Variants in ME3 observed in about 807,000 individuals in gnomAD.
ME3 encodes NADP-dependent malic enzyme, mitochondrial.
Under a neutral mutation model 68.9 loss-of-function variants are expected in ME3, and 48 were observed. That is an observed-to-expected ratio of 0.70 (90% CI 0.55 to 0.89). ME3 has a LOEUF of 0.89. Among genes scored for constraint, ME3 ranks in the 40% least tolerant of loss-of-function variants. ME3 has a pLI of 0.00. For missense variants in ME3, 675 were observed against 797.4 expected, an observed-to-expected ratio of 0.85 and a Z score of 1.85; for synonymous variants, 320 against 318.8, an observed-to-expected ratio of 1.00 and a Z score of -0.04.
intron 7 of ME3, 94 bp from the exon 8 acceptor site, chr11:86,465,294 C>A: frequency 1.1e-6 from 1 of 929,558 alleles, no homozygotes; most frequent in Non-Finnish European, 1.8e-6. Flanking sequence ...GAGGTGCAGG[C>A]CTGGGGGTGG....
chr11:86,624,658 C>T (rs567123870), intron 2 of ME3, among the ~76,000 whole-genome samples: 6 of 152,248 alleles, frequency 3.9e-5, no homozygotes, highest in Admixed American at 2.0e-4. Flanking sequence ...TTGAGTGATT[C>T]GATTTTATTA....
At chr11:86,552,850 G>A (rs978634422) in intron 4 of ME3, among the ~76,000 whole-genome samples, 9 of 152,192 alleles carry the variant, frequency 5.9e-5, no homozygotes, top group Non-Finnish European at 1.2e-4. Flanking sequence ...GTCTAAAGGC[G>A]GGTGCAGCAC....
At chr11:86,502,123 A>G (rs1952763712) in intron 5 of ME3, among the ~76,000 whole-genome samples, 1 of 152,182 alleles carries the variant, frequency 6.6e-6, no homozygotes, top group South Asian at 2.1e-4. Context: ...AATATTTCCA[A>G]TTTTGTATAA....
At chr11:86,448,969 T>A (rs1313620891) in intron 10 of ME3, among the ~76,000 whole-genome samples, 1 of 152,156 alleles carries the variant, frequency 6.6e-6, no homozygotes, top group Non-Finnish European at 1.5e-5. Flanking sequence ...AGAGTGGCTG[T>A]CTCTGGCAGC....
intron 5 of ME3, among the ~76,000 whole-genome samples, chr11:86,503,098 A>G (rs1367231905): frequency 1.3e-5 from 2 of 151,960 alleles, no homozygotes; most frequent in Non-Finnish European, 2.9e-5. Flanking sequence ...AATAATGCAC[A>G]CTTCTTAGTT....
intron 2 of ME3, among the ~76,000 whole-genome samples, chr11:86,620,792 T>C (rs968205332): frequency 6.6e-6 from 1 of 152,210 alleles, no homozygotes. Context: ...ATACATCTTT[T>C]TTTGATCAAA....
At chr11:86,671,385 C>G (rs1199225021) in intron 2 of ME3, among the ~76,000 whole-genome samples, 2 of 152,186 alleles carry the variant, frequency 1.3e-5, no homozygotes, top group Non-Finnish European at 2.9e-5. Context: ...ATTCCTAAGA[C>G]AATTATATCT....
chr11:86,497,218 A>G (rs951241284), intron 6 of ME3, among the ~76,000 whole-genome samples: 1 of 152,200 alleles, frequency 6.6e-6, no homozygotes, highest in African/African-American at 2.4e-5. Context: ...TCCTGGCCTC[A>G]GGTGATCCCG....
intron 2 of ME3, among the ~76,000 whole-genome samples, chr11:86,610,464 T>A (rs1346850648): frequency 6.6e-6 from 1 of 152,154 alleles, no homozygotes; most frequent in Non-Finnish European, 1.5e-5. Flanking sequence ...TGCTAAAAAT[T>A]TAGCAAATGT....
In ME3 at chr11:86,521,422, AC is replaced by A. The variant is rs1251858155; in HGVS notation, c.468-12556del. On this transcript the variant is annotated intron_variant, in intron 4 of 14. Coordinates refer to ENST00000543262, the Ensembl canonical transcript of ME3. ...AAACAAACAAACAAAACAAAACAAA[AC>A]AAAACAAAAATAATAATAATAATAA... is the stretch of plus-strand genomic sequence containing the variant. Among the ~76,000 whole-genome samples, 491 of 102,418 alleles carry A rather than the reference AC, an allele frequency of 4.8e-3. 9 individuals are homozygous for A. The highest frequency in any genetic ancestry group is 0.016 in the African/African-American group (435 of 26,662). The allele number at this position is 102,418 out of a possible 152,430, so 67.2% of individuals were successfully genotyped here. A position where few individuals can be genotyped will look rare whatever the true frequency, so the allele number is the denominator to read the frequency against.
chr11:86,663,526 G>C (rs1373115312), intron 2 of ME3, among the ~76,000 whole-genome samples: 1 of 152,162 alleles, frequency 6.6e-6, no homozygotes, highest in Non-Finnish European at 1.5e-5. Flanking sequence ...ACCCCCAAAG[G>C]ATTTCCCGAT....
intron 2 of ME3, among the ~76,000 whole-genome samples, chr11:86,583,302 T>C (rs143603249): frequency 2.2e-4 from 33 of 152,010 alleles, no homozygotes; most frequent in African/African-American, 7.7e-4. Flanking sequence ...AGATATTAGG[T>C]TGATGCAAAA....
chr11:86,559,966 A>C, intron 2 of ME3, 143 bp from the exon 3 acceptor site: 1 of 842,770 alleles, frequency 1.2e-6, no homozygotes, highest in Non-Finnish European at 1.7e-6. Context: ...CTCTGCTATT[A>C]AAGTAGGAGG....
chr11:86,521,189 T>G (rs1249656070), intron 4 of ME3, among the ~76,000 whole-genome samples: 1 of 152,076 alleles, frequency 6.6e-6, no homozygotes, highest in African/African-American at 2.4e-5. Flanking sequence ...GTCAGGAGAT[T>G]GAGACCATCC....
At chr11:86,623,501 GTT>G (rs1943474741) in intron 2 of ME3, among the ~76,000 whole-genome samples, 1 of 136,078 alleles carries the variant, frequency 7.3e-6, no homozygotes. Flanking sequence ...TGTTGGTTTT[GTT>G]TCTTTGGAGA....
intron 7 of ME3, among the ~76,000 whole-genome samples, chr11:86,482,018 A>G (rs1274352775): frequency 1.3e-5 from 2 of 152,220 alleles, no homozygotes; most frequent in African/African-American, 2.4e-5. Flanking sequence ...ACAATATCCT[A>G]GTCTAGTCCT....
At chr11:86,517,904 T>A (rs1329249249) in intron 4 of ME3, among the ~76,000 whole-genome samples, 1 of 150,156 alleles carries the variant, frequency 6.7e-6, no homozygotes, top group African/African-American at 2.5e-5. Flanking sequence ...GCTGGGCCTT[T>A]ATTTTGACAG....
chr11:86,483,051 C>T (rs747227), intron 7 of ME3, among the ~76,000 whole-genome samples: 1 of 152,226 alleles, frequency 6.6e-6, no homozygotes. Context: ...AATCTTATCT[C>T]CTTGTTTTTA....
At chr11:86,443,180 A>G (rs1446497770) in intron 13 of ME3, among the ~76,000 whole-genome samples, 1 of 152,236 alleles carries the variant, frequency 6.6e-6, no homozygotes, top group East Asian at 1.9e-4. Flanking sequence ...AGCCAAGATG[A>G]ATAAATCTGT....
Sources: allele counts gnomAD v4.1 joint callset (sites outside exome capture counted in the v4.1 genomes callset), GRCh38; gene constraint gnomAD v4.1.1; transcripts MANE v1.5; gene names NCBI Gene and HGNC (gene_info 2026-07-23, HGNC 2026-07-21).